Variants in GRIP1 observed in about 807,000 individuals in gnomAD.
GRIP1 encodes glutamate receptor-interacting protein 1.
Under a neutral mutation model 129.9 loss-of-function variants are expected in GRIP1, and 45 were observed. The ratio of observed to expected loss-of-function variants is 0.35; its 90% CI spans 0.27 to 0.44. GRIP1 has a LOEUF of 0.44. Among genes scored for constraint, GRIP1 ranks in the 20% least tolerant of loss-of-function variants. The probability of loss-of-function intolerance (pLI) is 1.00; values close to 1 mark genes in which losing one functional copy is unlikely to be tolerated. For synonymous variants in GRIP1, 530 were observed against 520.8 expected, an observed-to-expected ratio of 1.02 and a Z score of -0.24; for missense variants, 1,196 against 1,396.8, an observed-to-expected ratio of 0.86 and a Z score of 2.29.
At chr12:66,886,075 C>T (rs1271375211) in intron 1 of GRIP1, among the ~76,000 whole-genome samples, 1 of 152,096 alleles carries the variant, frequency 6.6e-6, no homozygotes, top group African/African-American at 2.4e-5. Flanking sequence ...CCAGCCTGGC[C>T]AACACGGTGA....
chr12:66,398,056 A>T (rs2056860633), intron 16 of GRIP1, among the ~76,000 whole-genome samples: 1 of 152,136 alleles, frequency 6.6e-6, no homozygotes, highest in African/African-American at 2.4e-5. Flanking sequence ...TCTCCAGGGC[A>T]TCCCACTGCC....
At chr12:66,876,231 G>C (rs1475404950) in intron 1 of GRIP1, among the ~76,000 whole-genome samples, 3 of 151,958 alleles carry the variant, frequency 2.0e-5, no homozygotes, top group African/African-American at 7.2e-5. Flanking sequence ...TAAAGAACTT[G>C]AATTTTATCT....
intron 1 of GRIP1, among the ~76,000 whole-genome samples, chr12:66,857,265 C>T (rs548160777): frequency 5.5e-4 from 84 of 151,978 alleles, no homozygotes; most frequent in African/African-American, 1.9e-3. Context: ...GGAGATATAC[C>T]TAATGTTAAA....
intron 1 of GRIP1, among the ~76,000 whole-genome samples, chr12:66,984,072 G>A (rs2042275935): frequency 6.6e-6 from 1 of 152,172 alleles, no homozygotes; most frequent in Admixed American, 6.6e-5. Flanking sequence ...AAACCCGGGA[G>A]AAGCAAAGCC....
intron 1 of GRIP1, among the ~76,000 whole-genome samples, chr12:66,746,960 C>T (rs557453127): frequency 6.7e-4 from 102 of 152,224 alleles, no homozygotes; most frequent in Non-Finnish European, 1.2e-3. Flanking sequence ...GGCAAAATAG[C>T]ATTATAATAA....
chr12:66,349,059 C>T lies in GRIP1; in HGVS notation c.3347G>A (p.Gly1116Asp), dbSNP rs779064915. Residue 1116 changes from glycine to aspartate, a missense_variant, in exon 25 of 25, where the codon GGT becomes GAT. Around this residue, in one of 5 missense-constraint regions of GRIP1, gnomAD observed 427 missense variants for 463.3 expected, o/e 0.92. Transcript: ENST00000359742. ...GGGTTCTCGTGTCTCCAAATTACCA[C>T]CGTGGCTAGGCTGCTGGAAAAAAGC... ...NSAFFQQPSH[G>D]GNLETREPTN... The T allele has an allele frequency of 2.5e-6, 4 of 1,613,952 alleles. No individual in the cohort carries two copies. In the Admixed American group the frequency reaches 5.0e-5, roughly 20 times the overall value.
intron 1 of GRIP1, among the ~76,000 whole-genome samples, chr12:67,056,366 G>A (rs2043435937): frequency 6.6e-6 from 1 of 152,164 alleles, no homozygotes; most frequent in Admixed American, 6.5e-5. Flanking sequence ...TCTGGTGCCT[G>A]GGCTAGGAAA....
intron 1 of GRIP1, among the ~76,000 whole-genome samples, chr12:66,744,848 C>G (rs76380207): frequency 1.3e-5 from 2 of 152,156 alleles, no homozygotes; most frequent in African/African-American, 4.8e-5. Context: ...AATTATATTA[C>G]AGACAGTTCT....
intron 1 of GRIP1, among the ~76,000 whole-genome samples, chr12:66,741,490 C>T (rs2036785746): frequency 6.6e-6 from 1 of 152,160 alleles, no homozygotes; most frequent in Admixed American, 6.6e-5. Context: ...GTCCCACCAA[C>T]AGGGTATGGG....
At chr12:66,618,340 T>A (rs1263404948) in intron 1 of GRIP1, among the ~76,000 whole-genome samples, 1 of 152,194 alleles carries the variant, frequency 6.6e-6, no homozygotes, top group Non-Finnish European at 1.5e-5. Flanking sequence ...TGCTTCTATT[T>A]GCATAAAGAA....
chr12:66,752,093 T>G (rs149421169), intron 1 of GRIP1, among the ~76,000 whole-genome samples: 460 of 152,252 alleles, frequency 3.0e-3, no homozygotes, highest in African/African-American at 0.01. Flanking sequence ...TGAAAATGCT[T>G]CTTGTAGAGA....
intron 1 of GRIP1, among the ~76,000 whole-genome samples, chr12:66,736,002 G>T (rs898606164): frequency 6.6e-6 from 1 of 152,140 alleles, no homozygotes; most frequent in African/African-American, 2.4e-5. Flanking sequence ...CCCAGGAGAA[G>T]AAGAGAAGGT....
chr12:66,702,780 G>T (rs1772214309), intron 1 of GRIP1, among the ~76,000 whole-genome samples: 1 of 152,198 alleles, frequency 6.6e-6, no homozygotes, highest in South Asian at 2.1e-4. Context: ...ACAAGAGGAG[G>T]TCTAGAAAGG....
At chr12:66,760,786 C>T (rs749255025) in intron 1 of GRIP1, among the ~76,000 whole-genome samples, 19 of 151,532 alleles carry the variant, frequency 1.3e-4, no homozygotes, top group South Asian at 2.1e-4. Flanking sequence ...GAATATTCCA[C>T]ACATCTCAAT....
rs980069511 is a variant in GRIP1, at chr12:66,465,101, T to C, written c.872+174A>G. The stretch of plus-strand genomic sequence containing the variant: ...CTGGGATTACAGGCACCTGCCACCA[T>C]GACTGGCTAATTTCTTGTATTTTTA... On this transcript the variant is annotated intron_variant, in intron 8 of 24. Coordinates refer to ENST00000359742, the MANE Select transcript of GRIP1 (RefSeq NM_001366722.1). Among the ~76,000 whole-genome samples, 7 of 152,052 alleles carry C rather than the reference T, an allele frequency of 4.6e-5. No individual in the cohort carries two copies. The East Asian group carries it at 7.7e-4, about 17-fold the overall frequency.
At chr12:66,508,466 C>T (rs2060604504) in intron 7 of GRIP1, among the ~76,000 whole-genome samples, 1 of 152,032 alleles carries the variant, frequency 6.6e-6, no homozygotes, top group South Asian at 2.1e-4. Context: ...TCAAGAGTCA[C>T]CAGGAAAGTA....
intron 1 of GRIP1, among the ~76,000 whole-genome samples, chr12:66,613,834 C>T (rs34359969): frequency 0.067 from 10,263 of 152,188 alleles, 458 homozygotes; most frequent in African/African-American, 0.12. Flanking sequence ...AAATAAAATG[C>T]TTTTGCATCC....
chr12:66,862,874 T>C (rs1265749174), intron 1 of GRIP1, among the ~76,000 whole-genome samples: 1 of 152,086 alleles, frequency 6.6e-6, no homozygotes, highest in African/African-American at 2.4e-5. Context: ...ATTTCCAATG[T>C]GCTGCAGTTT....
At chr12:66,864,532 A>C (rs2040168119) in intron 1 of GRIP1, among the ~76,000 whole-genome samples, 1 of 149,998 alleles carries the variant, frequency 6.7e-6, no homozygotes, top group Non-Finnish European at 1.5e-5. Context: ...CCTGGGCAAC[A>C]CAGTGAGACC....
Sources: allele counts gnomAD v4.1 joint callset (sites outside exome capture counted in the v4.1 genomes callset), GRCh38; gene constraint gnomAD v4.1.1; regional missense constraint gnomAD v4.1.1; transcripts MANE v1.5; gene names NCBI Gene and HGNC (gene_info 2026-07-23, HGNC 2026-07-21).